FTO: variants seen among roughly 807,000 people sequenced by gnomAD.
FTO encodes alpha-ketoglutarate-dependent dioxygenase FTO.
A neutral mutation model predicts 63.9 loss-of-function variants in FTO; 47 were observed. The ratio of observed to expected loss-of-function variants is 0.74; its 90% CI spans 0.58 to 0.94. The LOEUF (loss-of-function observed/expected upper bound fraction) is 0.94, where lower values mean the gene tolerates loss of function less well. Among genes scored for constraint, FTO ranks in the 40% least tolerant of loss-of-function variants. The pLI is 0.00. For synonymous variants in FTO, 207 were observed against 224.4 expected, an observed-to-expected ratio of 0.92 and a Z score of 0.69; for missense variants, 562 against 618.1, an observed-to-expected ratio of 0.91 and a Z score of 0.96.
At chr16:54,021,583 G>A (rs1039683654) in intron 8 of FTO, among the ~76,000 whole-genome samples, 4 of 152,136 alleles carry the variant, frequency 2.6e-5, no homozygotes, top group Non-Finnish European at 5.9e-5. Context: ...TCCGCCTCCT[G>A]GGTTCAAGCA....
intron 2 of FTO, among the ~76,000 whole-genome samples, chr16:53,822,609 C>T (rs1598748986): frequency 6.6e-6 from 1 of 152,240 alleles, no homozygotes; most frequent in South Asian, 2.1e-4. Context: ...TCCAGCACAC[C>T]ACCAGTAGTG....
At chr16:54,023,503 G>T (rs2084646435) in intron 8 of FTO, among the ~76,000 whole-genome samples, 1 of 152,190 alleles carries the variant, frequency 6.6e-6, no homozygotes, top group Non-Finnish European at 1.5e-5. Flanking sequence ...TGACCTCCAT[G>T]AGTGGATGAC....
intron 8 of FTO, among the ~76,000 whole-genome samples, chr16:54,109,731 C>A (rs1199105937): frequency 1.3e-5 from 2 of 152,216 alleles, no homozygotes; most frequent in African/African-American, 4.8e-5. Flanking sequence ...TACAACACAG[C>A]ATAAGCAAAC....
chr16:53,731,078 G>C (rs1245126029), intron 1 of FTO, among the ~76,000 whole-genome samples: 2 of 152,228 alleles, frequency 1.3e-5, no homozygotes, highest in African/African-American at 4.8e-5. Context: ...TGTTTGTAGA[G>C]ATAGGTTGTA....
chr16:54,020,565 A>G (rs1374878925), intron 8 of FTO, among the ~76,000 whole-genome samples: 3 of 149,574 alleles, frequency 2.0e-5, no homozygotes, highest in Non-Finnish European at 4.4e-5. Context: ...TGATGGGAAA[A>G]ATGACTTGAA....
chr16:53,763,769 A>G (rs1338889638), intron 1 of FTO, among the ~76,000 whole-genome samples: 3 of 152,202 alleles, frequency 2.0e-5, no homozygotes, highest in Non-Finnish European at 4.4e-5. Context: ...TATTATTTGT[A>G]ATGTAGGAAC....
chr16:54,030,732 T>C (rs2084809217), intron 8 of FTO, among the ~76,000 whole-genome samples: 1 of 152,128 alleles, frequency 6.6e-6, no homozygotes, highest in Non-Finnish European at 1.5e-5. Flanking sequence ...GAGTATACTA[T>C]CTGTTAGGGA....
chr16:54,060,942 A>T (rs1188483336), intron 8 of FTO, among the ~76,000 whole-genome samples: 1 of 152,228 alleles, frequency 6.6e-6, no homozygotes, highest in Admixed American at 6.5e-5. Context: ...TGGCCCTGCA[A>T]TGATGAGATA....
rs7184573 is a variant in FTO, at chr16:53,827,680, G to A, written c.751+1189G>A. ...TCTTATGTCTTCAGTCTGAAACAAG[G>A]AACTAGTTTAGCATTTGGAAATTTC... On this transcript the variant is annotated intron_variant, in intron 3 of 8. Transcript: ENST00000471389. 0.31 allele frequency among the ~76,000 whole-genome samples: 47,238 copies of A among 152,056 alleles called. 7,979 individuals carry two copies. The highest frequency in any genetic ancestry group is 0.48 in the Middle Eastern group (140 of 294).
intron 1 of FTO, among the ~76,000 whole-genome samples, chr16:53,732,270 C>G (rs1486931209): frequency 6.6e-6 from 1 of 152,022 alleles, no homozygotes; most frequent in African/African-American, 2.4e-5. Flanking sequence ...CCAGCATGGT[C>G]TCGATCTCCT....
At chr16:53,726,036 TTAA>T (rs1381674057) in intron 1 of FTO, among the ~76,000 whole-genome samples, 7 of 152,182 alleles carry the variant, frequency 4.6e-5, no homozygotes, top group African/African-American at 1.7e-4. Context: ...AGGTTATATG[TTAA>T]TGCACACACA....
intron 1 of FTO, among the ~76,000 whole-genome samples, chr16:53,797,977 A>G (rs190648771): frequency 6.6e-6 from 1 of 152,178 alleles, no homozygotes; most frequent in Admixed American, 6.5e-5. Context: ...TGATGTATTT[A>G]TTAATTTTGA....
At chr16:53,888,747 G>C in intron 6 of FTO, 85 bp from the exon 7 acceptor site, 1 of 1,440,654 alleles carries the variant, frequency 6.9e-7, no homozygotes, top group African/African-American at 1.4e-5. Context: ...CAAGTTACTG[G>C]AGGAGAATTA....
At chr16:53,772,202 C>T (rs2077355664) in intron 1 of FTO, among the ~76,000 whole-genome samples, 1 of 151,944 alleles carries the variant, frequency 6.6e-6, no homozygotes, top group African/African-American at 2.4e-5. Flanking sequence ...GACCTCTTCC[C>T]CTACTCTTCT....
intron 8 of FTO, among the ~76,000 whole-genome samples, chr16:53,950,174 A>AAC (rs1335103309): frequency 2.3e-5 from 3 of 133,284 alleles, no homozygotes; most frequent in African/African-American, 7.9e-5. Flanking sequence ...AAAAAAAAAA[A>AAC]AAAAACTTAA....
chr16:53,891,119 T>C (rs1399409251), intron 7 of FTO, among the ~76,000 whole-genome samples: 1 of 151,826 alleles, frequency 6.6e-6, no homozygotes, highest in Non-Finnish European at 1.5e-5. Flanking sequence ...GCCTCCCTAG[T>C]AGCTGGGATA....
intron 8 of FTO, chr16:53,991,128 A>G (rs1390313811): frequency 1.3e-5 from 2 of 152,140 alleles, no homozygotes; most frequent in African/African-American, 4.8e-5. Flanking sequence ...TTCATGACTC[A>G]CTGCCATAGG....
upstream of FTO, chr16:53,704,069 A>T (rs1971788447): frequency 9.1e-7 from 1 of 1,104,950 alleles, no homozygotes; most frequent in East Asian, 2.6e-5. Context: ...TTTTCTACTC[A>T]GAGGGAGAAT....
chr16:53,905,423 G>A (rs1185644106), intron 7 of FTO, among the ~76,000 whole-genome samples: 1 of 152,140 alleles, frequency 6.6e-6, no homozygotes, highest in African/African-American at 2.4e-5. Context: ...GATAATACAT[G>A]TAGTGTTTTG....
Sources: gnomAD v4.1 joint callset for allele counts (sites outside exome capture counted in the v4.1 genomes callset) on GRCh38, gnomAD v4.1.1 for gene constraint, MANE v1.5 for transcripts, NCBI Gene and HGNC (gene_info 2026-07-23, HGNC 2026-07-21) for gene names.